The following MAST4 variants were observed in gnomAD, a reference collection of about 807,000 sequenced individuals.
MAST4 encodes the protein microtubule-associated serine/threonine-protein kinase 4.
MAST4 carries 89 observed loss-of-function variants against 162.7 expected under a neutral mutation model. That is an observed-to-expected ratio of 0.55 (90% CI 0.46 to 0.65). The LOEUF is 0.65. Among genes scored for constraint, MAST4 ranks in the 30% least tolerant of loss-of-function variants. The pLI, the probability that MAST4 is intolerant of heterozygous loss-of-function variation, is 0.00. For synonymous variants in MAST4, 1,479 were observed against 1,361.1 expected, an observed-to-expected ratio of 1.09 and a Z score of -1.91; for missense variants, 3,153 against 3,374.0, an observed-to-expected ratio of 0.93 and a Z score of 1.62.
At chr5:66,998,988 G>A (rs1157238731) in intron 4 of MAST4, among the ~76,000 whole-genome samples, 1 of 152,174 alleles carries the variant, frequency 6.6e-6, no homozygotes, top group Admixed American at 6.5e-5. Context: ...TCTGTTTGCC[G>A]GGTGATGCAT....
chr5:66,862,200 G>C (rs74504446), intron 3 of MAST4, among the ~76,000 whole-genome samples: 1,990 of 152,262 alleles, frequency 0.013, 33 homozygotes, highest in African/African-American at 0.044. Context: ...GTACAACTTA[G>C]AGCTATGTTG....
intron 4 of MAST4, among the ~76,000 whole-genome samples, chr5:66,944,993 G>T (rs1437080629): frequency 6.6e-6 from 1 of 152,112 alleles, no homozygotes; most frequent in African/African-American, 2.4e-5. Flanking sequence ...CACAGGATCT[G>T]CCCACAGTTC....
chr5:66,902,515 A>G, intron 4 of MAST4: 1 of 184,908 alleles, frequency 5.4e-6, no homozygotes, highest in Non-Finnish European at 1.2e-5. Context: ...TTTTTTTGTT[A>G]TTAGTTGAAA....
intron 4 of MAST4, among the ~76,000 whole-genome samples, chr5:66,971,240 C>T (rs1348945919): frequency 2.0e-5 from 3 of 152,018 alleles, no homozygotes; most frequent in Non-Finnish European, 2.9e-5. Flanking sequence ...TTGTGGAGCC[C>T]GATATTACTT....
At chr5:67,136,092 A>T (rs1465228738) in intron 18 of MAST4, among the ~76,000 whole-genome samples, 3 of 152,066 alleles carry the variant, frequency 2.0e-5, no homozygotes, top group Non-Finnish European at 4.4e-5. Flanking sequence ...CTTGCTTCTT[A>T]GAGCTGAAGA....
intron 5 of MAST4, among the ~76,000 whole-genome samples, chr5:67,072,066 G>A (rs536551596): frequency 6.6e-6 from 1 of 152,224 alleles, no homozygotes; most frequent in African/African-American, 2.4e-5. Flanking sequence ...ATGCATGTGT[G>A]TTTTTTAAAC....
rs1742190661 is a variant in MAST4, at chr5:66,596,608, C to T, written c.-48C>T. 9 of 1,385,774 alleles carry T rather than the reference C, an allele frequency of 6.5e-6. No homozygotes were observed. Among genetic ancestry groups the T allele is most frequent in the Non-Finnish European group, 8.4e-6 (9 of 1,073,406 alleles). 85.8% of individuals were successfully genotyped at this position (1,385,774 alleles called of 1,614,324 possible). A position where few individuals can be genotyped will look rare whatever the true frequency, so the allele number is the denominator to read the frequency against. On this transcript the variant is annotated 5_prime_UTR_variant, in exon 1 of 29. Transcript: ENST00000403625. ...CGTCTTCCCCGGGAGGCGCTGAGTGCGCGCCGCGCCCCCGCCGCTCGGGAG... is the reference window on the plus strand; with the variant it reads ...CGTCTTCCCCGGGAGGCGCTGAGTGTGCGCCGCGCCCCCGCCGCTCGGGAG...
intron 5 of MAST4, among the ~76,000 whole-genome samples, chr5:67,060,194 T>C (rs1197648371): frequency 6.6e-6 from 1 of 152,198 alleles, no homozygotes; most frequent in Non-Finnish European, 1.5e-5. Context: ...ACATGAGAAT[T>C]GTTTGCAACT....
intron 4 of MAST4, among the ~76,000 whole-genome samples, chr5:67,044,358 A>T (rs1220791312): frequency 6.6e-6 from 1 of 152,190 alleles, no homozygotes; most frequent in Non-Finnish European, 1.5e-5. Context: ...AGGCATGCAG[A>T]CTAGGTCTCT....
chr5:66,608,342 C>T (rs1287932230), intron 1 of MAST4, among the ~76,000 whole-genome samples: 1 of 142,606 alleles, frequency 7.0e-6, no homozygotes, highest in Non-Finnish European at 1.5e-5. Context: ...AGACATGAAC[C>T]ACTGTGCCTG....
At chr5:66,988,011 A>G (rs560749233) in intron 4 of MAST4, among the ~76,000 whole-genome samples, 7 of 152,250 alleles carry the variant, frequency 4.6e-5, no homozygotes, top group East Asian at 1.9e-4. Flanking sequence ...AAAAAACTCA[A>G]TGTTTTGTTG....
rs1224101368 is a variant in MAST4, at chr5:66,759,837, A to G, written c.492A>G (p.Arg164=). Residue 164 remains arginine (R), a synonymous_variant, in exon 2 of 29, where the codon CGA becomes CGG. Transcript: ENST00000403625. The part of the protein sequence containing the change: ...QLSEDGRQLR[R]GSLGGALTGR... Reference sequence around the variant, plus strand: ...GTGAGGATGGAAGACAGCTAAGGCGAGGGAGCCTGGGAGGAGCCCTGACTG... The same window carrying G: ...GTGAGGATGGAAGACAGCTAAGGCGGGGGAGCCTGGGAGGAGCCCTGACTG... 6.2e-7 allele frequency: 1 copy of G among 1,613,816 alleles called. No individual in the cohort carries two copies. Among genetic ancestry groups the G allele is most frequent in the African/African-American group, 1.3e-5 (1 of 74,920 alleles).
chr5:66,727,582 G>T (rs998490130), intron 1 of MAST4, among the ~76,000 whole-genome samples: 1 of 152,144 alleles, frequency 6.6e-6, no homozygotes, highest in African/African-American at 2.4e-5. Flanking sequence ...AGGCAAAATT[G>T]TGCTGAGCAC....
rs116542983 is a variant in MAST4 at position 66,600,718 on chromosome 5, G to A, written c.363+3700G>A. Among the ~76,000 whole-genome samples the A allele has an allele frequency of 4.5e-3, 685 of 152,298 alleles. 8 individuals carry two copies. Among genetic ancestry groups the A allele is most frequent in the African/African-American group, 0.016 (645 of 41,556 alleles). ...AACATTGTGGATCACAGTGAGAAACGTACAATTTTTCCAGGTAAATTTTGA... is the reference window on the plus strand; with the variant it reads ...AACATTGTGGATCACAGTGAGAAACATACAATTTTTCCAGGTAAATTTTGA... On this transcript the variant is annotated intron_variant, in intron 1 of 28. Coordinates refer to ENST00000403625, the MANE Select transcript of MAST4 (RefSeq NM_001164664.2).
intron 1 of MAST4, among the ~76,000 whole-genome samples, chr5:66,720,019 T>C (rs1751095877): frequency 6.6e-6 from 1 of 152,210 alleles, no homozygotes; most frequent in African/African-American, 2.4e-5. Flanking sequence ...AGTAATACCA[T>C]TAATACTGCA....
At chr5:67,140,967 A>G (rs1770322829) in intron 19 of MAST4, among the ~76,000 whole-genome samples, 1 of 151,994 alleles carries the variant, frequency 6.6e-6, no homozygotes, top group African/African-American at 2.4e-5. Flanking sequence ...CCATTCCATC[A>G]TTTTCAGAAC....
Position 66,677,071 on chromosome 5 carries a change from C to T in MAST4, c.363+80053C>T, listed in dbSNP as rs372228831. On this transcript the variant is annotated intron_variant, in intron 1 of 28. Transcript: ENST00000403625. ...TTTCTCAATAGACATTTATTGAGTG[C>T]CTCCTGCAACCATTATTGCAACTGA... Among the ~76,000 whole-genome samples the T allele has an allele frequency of 3.9e-5, 6 of 152,228 alleles. No individual in the cohort carries two copies. The South Asian group carries it at 1.2e-3, about 32-fold the overall frequency.
chr5:67,108,785 T>C (rs1273547643), intron 10 of MAST4, among the ~76,000 whole-genome samples: 1 of 152,182 alleles, frequency 6.6e-6, no homozygotes, highest in Non-Finnish European at 1.5e-5. Context: ...TTTTTATAAA[T>C]TTGATCTCTG....
intron 4 of MAST4, among the ~76,000 whole-genome samples, chr5:67,044,872 G>A (rs1373729864): frequency 6.6e-6 from 1 of 152,134 alleles, no homozygotes; most frequent in African/African-American, 2.4e-5. Context: ...TAATTAGACG[G>A]ATGATCCCGT....
Sources: allele counts gnomAD v4.1 joint callset (sites outside exome capture counted in the v4.1 genomes callset), GRCh38; gene constraint gnomAD v4.1.1; transcripts MANE v1.5; gene names NCBI Gene and HGNC (gene_info 2026-07-23, HGNC 2026-07-21).